The following NLGN1 variants were observed in gnomAD, a reference collection of about 807,000 sequenced individuals.
The protein encoded by NLGN1 is neuroligin-1.
Under a neutral mutation model 65.5 loss-of-function variants are expected in NLGN1, and 12 were observed. The ratio of observed to expected loss-of-function variants is 0.18; its 90% CI spans 0.12 to 0.30. NLGN1 has a LOEUF of 0.30. Ranked by LOEUF, NLGN1 falls within the 10% of genes least tolerant of loss-of-function variation. NLGN1 has a pLI of 1.00. For synonymous variants in NLGN1, 350 were observed against 359.5 expected, an observed-to-expected ratio of 0.97 and a Z score of 0.30; for missense variants, 750 against 1,007.1, an observed-to-expected ratio of 0.74 and a Z score of 3.46.
chr3:173,605,621 G>A, intron 3 of NLGN1, 28 bp downstream of exon 3: 1 of 1,156,788 alleles, frequency 8.6e-7, no homozygotes, highest in Non-Finnish European at 1.2e-6. Context: ...AATTAAAAAT[G>A]GGGGAAAAAG....
At chr3:173,563,390 T>TG (rs1481475673) in intron 2 of NLGN1, among the ~76,000 whole-genome samples, 3 of 152,178 alleles carry the variant, frequency 2.0e-5, no homozygotes, top group Non-Finnish European at 4.4e-5. Flanking sequence ...ATATATCTGT[T>TG]GAAAAAATCT....
chr3:174,266,622 A>G (rs527621571), intron 4 of NLGN1, among the ~76,000 whole-genome samples: 2 of 152,264 alleles, frequency 1.3e-5, no homozygotes, highest in East Asian at 3.9e-4. Context: ...AAGTTCTTCA[A>G]GAAATCTCTA....
intron 4 of NLGN1, among the ~76,000 whole-genome samples, chr3:174,011,826 G>C (rs759267735): frequency 6.6e-6 from 1 of 151,546 alleles, no homozygotes; most frequent in African/African-American, 2.4e-5. Context: ...TTACATCAGA[G>C]AACAAAACCT....
At chr3:173,852,355 C>CAAAAAAA (rs71162367) in intron 4 of NLGN1, among the ~76,000 whole-genome samples, 12 of 46,662 alleles carry the variant, frequency 2.6e-4, no homozygotes, top group East Asian at 9.6e-4. Flanking sequence ...GACTCCGTCT[C>CAAAAAAA]AAAAAAAAAA....
intron 1 of NLGN1, among the ~76,000 whole-genome samples, chr3:173,422,442 A>G (rs1560230227): frequency 6.6e-6 from 1 of 152,224 alleles, no homozygotes. Context: ...CAATAAACAT[A>G]GAAATATAAA....
chr3:173,903,982 A>G (rs553067730), intron 4 of NLGN1, among the ~76,000 whole-genome samples: 5 of 152,236 alleles, frequency 3.3e-5, no homozygotes, highest in African/African-American at 1.2e-4. Flanking sequence ...AGCAGCTACA[A>G]AGTTTACTGT....
intron 3 of NLGN1, among the ~76,000 whole-genome samples, chr3:173,691,968 TA>T (rs1007235410): frequency 6.6e-6 from 1 of 152,086 alleles, no homozygotes; most frequent in South Asian, 2.1e-4. Flanking sequence ...CATCTCTTTA[TA>T]AAAGAATACA....
At chr3:174,041,460 T>C (rs947578955) in intron 4 of NLGN1, among the ~76,000 whole-genome samples, 2 of 152,180 alleles carry the variant, frequency 1.3e-5, no homozygotes, top group Non-Finnish European at 2.9e-5. Flanking sequence ...TGTACAAATA[T>C]TTTTGTGAAT....
At chr3:173,898,455 T>C (rs904232080) in intron 4 of NLGN1, among the ~76,000 whole-genome samples, 2 of 152,208 alleles carry the variant, frequency 1.3e-5, no homozygotes, top group East Asian at 1.9e-4. Context: ...AAATAGACCA[T>C]GTCAAGGTAT....
At chr3:173,916,364 C>T (rs1740732996) in intron 4 of NLGN1, among the ~76,000 whole-genome samples, 1 of 152,092 alleles carries the variant, frequency 6.6e-6, no homozygotes, top group African/African-American at 2.4e-5. Context: ...CATTCATTCA[C>T]TCATTCATTT....
intron 4 of NLGN1, among the ~76,000 whole-genome samples, chr3:174,093,697 G>A (rs867926142): frequency 6.6e-6 from 1 of 152,104 alleles, no homozygotes; most frequent in Non-Finnish European, 1.5e-5. Flanking sequence ...TAATTAAATT[G>A]TTCACACCAC....
chr3:173,504,894 C>T (rs892281611), intron 2 of NLGN1, among the ~76,000 whole-genome samples: 9 of 151,958 alleles, frequency 5.9e-5, no homozygotes, highest in African/African-American at 1.5e-4. Flanking sequence ...TTCCTCAAGA[C>T]GAAAAACTCC....
intron 4 of NLGN1, among the ~76,000 whole-genome samples, chr3:174,107,407 G>C (rs761139699): frequency 3.3e-5 from 5 of 151,970 alleles, no homozygotes; most frequent in Non-Finnish European, 7.4e-5. Context: ...ACTTATGCCC[G>C]GCATTTTTCC....
At chr3:173,696,394 T>G (rs773637695) in intron 3 of NLGN1, among the ~76,000 whole-genome samples, 17 of 152,194 alleles carry the variant, frequency 1.1e-4, no homozygotes, top group Non-Finnish European at 2.1e-4. Flanking sequence ...GTTTTATGTT[T>G]TATAGGTATA....
chr3:174,188,770 T>C (rs959396631), intron 4 of NLGN1, among the ~76,000 whole-genome samples: 26 of 151,996 alleles, frequency 1.7e-4, no homozygotes, highest in African/African-American at 6.0e-4. Context: ...GGTTTTGATA[T>C]TCTATTTTCC....
intron 1 of NLGN1, among the ~76,000 whole-genome samples, chr3:173,415,613 G>C (rs1713534952): frequency 6.6e-6 from 1 of 152,098 alleles, no homozygotes; most frequent in Admixed American, 6.5e-5. Context: ...ACATATTCTT[G>C]CCTGTTTCGT....
At chr3:174,082,720 A>T (rs2152552427) in intron 4 of NLGN1, among the ~76,000 whole-genome samples, 1 of 151,932 alleles carries the variant, frequency 6.6e-6, no homozygotes, top group South Asian at 2.1e-4. Flanking sequence ...ATTTCTGTTC[A>T]TTTTTTTCTT....
chr3:173,989,353 C>T (rs2152408611), intron 4 of NLGN1, among the ~76,000 whole-genome samples: 1 of 152,218 alleles, frequency 6.6e-6, no homozygotes, highest in Non-Finnish European at 1.5e-5. Flanking sequence ...TAACTTTGAC[C>T]ACAGAATAAT....
chr3:173,767,325 TGGTGTCTGACCTATGTTA>T (rs999432787), intron 3 of NLGN1, among the ~76,000 whole-genome samples: 1 of 152,074 alleles, frequency 6.6e-6, no homozygotes, highest in Non-Finnish European at 1.5e-5. Flanking sequence ...GACACAAAAT[TGGTGTCTGACCTATGTTA>T]GGTAGATGAG....
Sources: gnomAD v4.1 joint callset for allele counts (sites outside exome capture counted in the v4.1 genomes callset) on GRCh38, gnomAD v4.1.1 for gene constraint, MANE v1.5 for transcripts, NCBI Gene and HGNC (gene_info 2026-07-23, HGNC 2026-07-21) for gene names.